LRRC37A2: variants seen among roughly 807,000 people sequenced by gnomAD.
LRRC37A2 encodes leucine rich repeat containing 37 member A2.
Under a neutral mutation model 68.8 loss-of-function variants are expected in LRRC37A2, and 9 were observed. The observed-to-expected ratio is 0.13, with a 90% CI of 0.08 to 0.23. The LOEUF is 0.23. LRRC37A2 is among the 10% of genes least tolerant of loss of function. The probability of loss-of-function intolerance (pLI) is 1.00; values close to 1 mark genes in which losing one functional copy is unlikely to be tolerated. For synonymous variants in LRRC37A2, 63 were observed against 367.6 expected (o/e 0.17, Z 9.48); for missense variants, 168 against 950.4 (o/e 0.18, Z 10.82).
the LRRC37A2 span, among the ~76,000 whole-genome samples, chr17:46,769,006 G>A: frequency 6.6e-6 from 1 of 152,186 alleles, no homozygotes; most frequent in Non-Finnish European, 1.5e-5. Context: ...TGGGTAGACA[G>A]CACGTCCACT....
the LRRC37A2 span, among the ~76,000 whole-genome samples, chr17:46,789,417 G>A: frequency 0.011 from 1,717 of 152,310 alleles, 14 homozygotes; most frequent in African/African-American, 0.011. Context: ...CAACACCAGC[G>A]TGGCAGGATC....
chr17:46,534,127 C>T (rs1159522834), intron 6 of LRRC37A2, among the ~76,000 whole-genome samples: 1 of 146,038 alleles, frequency 6.8e-6, no homozygotes, highest in Non-Finnish European at 1.5e-5. Flanking sequence ...AATGCTGTCA[C>T]CTCAGCCTCC....
At chr17:46,923,388 G>A in the LRRC37A2 span, 3 of 1,464,508 alleles carry the variant, frequency 2.0e-6, no homozygotes, top group Non-Finnish European at 2.7e-6. Flanking sequence ...GGACTCCCAG[G>A]TCAGCCACAG....
At chr17:46,807,637 G>C in the LRRC37A2 span, among the ~76,000 whole-genome samples, 1 of 152,242 alleles carries the variant, frequency 6.6e-6, no homozygotes, top group Admixed American at 6.5e-5. Context: ...AGGATTTGAA[G>C]AGGTTGACAG....
the LRRC37A2 span, among the ~76,000 whole-genome samples, chr17:46,983,130 C>T: frequency 6.6e-6 from 1 of 152,012 alleles, no homozygotes. Context: ...TGGGCTGGTG[C>T]TGTAGGTTTG....
the LRRC37A2 span, among the ~76,000 whole-genome samples, chr17:46,401,240 C>T: frequency 6.8e-6 from 1 of 147,796 alleles, no homozygotes; most frequent in Non-Finnish European, 1.5e-5. Context: ...CTGGGAACTA[C>T]ATATGTGAGC....
chr17:46,803,799 TG>T, the LRRC37A2 span, among the ~76,000 whole-genome samples: 1 of 152,182 alleles, frequency 6.6e-6, no homozygotes, highest in Non-Finnish European at 1.5e-5. Flanking sequence ...CCTGGCAGAA[TG>T]GGCCCCAGGC....
At chr17:46,404,920 T>C in the LRRC37A2 span, among the ~76,000 whole-genome samples, 3 of 99,938 alleles carry the variant, frequency 3.0e-5, no homozygotes, top group East Asian at 2.5e-4. Flanking sequence ...ATAAATGGTG[T>C]GGCTGGACGC....
chr17:46,958,677 C>G, the LRRC37A2 span, among the ~76,000 whole-genome samples: 1 of 152,340 alleles, frequency 6.6e-6, no homozygotes, highest in African/African-American at 2.4e-5. Flanking sequence ...CTCTGATGGA[C>G]AAGAGTTCTC....
chr17:47,000,034 A>T, the LRRC37A2 span, among the ~76,000 whole-genome samples: 957 of 24,546 alleles, frequency 0.039, 84 homozygotes, highest in African/African-American at 0.07. Flanking sequence ...AAAATAAAAT[A>T]AAATAAAATA....
chr17:46,440,404 T>A, the LRRC37A2 span, among the ~76,000 whole-genome samples: 42 of 80,240 alleles, frequency 5.2e-4, 12 homozygotes, highest in African/African-American at 1.2e-3. Context: ...TTTATTTTTT[T>A]TTTTTTTGGC....
chr17:46,878,113 G>T, the LRRC37A2 span, among the ~76,000 whole-genome samples: 1 of 152,242 alleles, frequency 6.6e-6, no homozygotes, highest in African/African-American at 2.4e-5. Context: ...TGAAGACCTT[G>T]CAGGGGTCCC....
chr17:46,569,404 TA>T, the LRRC37A2 span, among the ~76,000 whole-genome samples: 2 of 150,782 alleles, frequency 1.3e-5, no homozygotes, highest in Admixed American at 6.6e-5. Flanking sequence ...GACATGTGAA[TA>T]AAAGGCATCA....
intron 9 of LRRC37A2, 134 bp from the exon 9 acceptor site, chr17:46,548,178 T>C: frequency 4.5e-6 from 1 of 223,498 alleles, no homozygotes; most frequent in Non-Finnish European, 7.2e-6. Flanking sequence ...GGATTGGGTG[T>C]GTGTTTCTCC....
At chr17:46,843,749 C>A in the LRRC37A2 span, among the ~76,000 whole-genome samples, 5 of 152,120 alleles carry the variant, frequency 3.3e-5, no homozygotes, top group African/African-American at 9.7e-5. Flanking sequence ...TAGAACAATA[C>A]CTGGTGTAAT....
the LRRC37A2 span, among the ~76,000 whole-genome samples, chr17:46,787,230 C>T: frequency 1.3e-5 from 2 of 150,332 alleles, no homozygotes; most frequent in African/African-American, 4.9e-5. Context: ...TGTGAGCCAG[C>T]GTGCCCAGCC....
At chr17:46,883,812 C>G in the LRRC37A2 span, among the ~76,000 whole-genome samples, 49 of 152,310 alleles carry the variant, frequency 3.2e-4, no homozygotes, top group Middle Eastern at 3.4e-3. Context: ...TCTCCTCTCT[C>G]TCTTTCTCCC....
At chr17:46,822,559 C>T in the LRRC37A2 span, among the ~76,000 whole-genome samples, 1 of 152,190 alleles carries the variant, frequency 6.6e-6, no homozygotes, top group Non-Finnish European at 1.5e-5. Flanking sequence ...AGGAAGGGGT[C>T]GCGCCTGGTC....
At chr17:46,978,687 C>T in the LRRC37A2 span, 2 of 1,610,816 alleles carry the variant, frequency 1.2e-6, no homozygotes, top group Admixed American at 1.7e-5. Context: ...CCTTGGAGGG[C>T]CGGCGCTCCT....
Sources: allele counts gnomAD v4.1 joint callset (sites outside exome capture counted in the v4.1 genomes callset), GRCh38; gene constraint gnomAD v4.1.1; transcripts MANE v1.5; gene names NCBI Gene and HGNC (gene_info 2026-07-23, HGNC 2026-07-21).